Variants in NXNL2 observed in about 807,000 individuals in gnomAD.
The protein encoded by NXNL2 is nucleoredoxin like 2.
A neutral mutation model predicts 11.1 loss-of-function variants in NXNL2; 7 were observed. That is an observed-to-expected ratio of 0.63 (90% CI 0.36 to 1.18). The LOEUF (loss-of-function observed/expected upper bound fraction) is 1.18, where lower values mean the gene tolerates loss of function less well. Among genes scored for constraint, NXNL2 ranks in the 50% most tolerant of loss-of-function variants. NXNL2 has a pLI of 0.02. For missense variants in NXNL2, 233 were observed against 217.7 expected (o/e 1.07, Z -0.44); for synonymous variants, 109 against 101.8 (o/e 1.07, Z -0.42).
Position 88,540,186 on chromosome 9 carries a change from G to A in NXNL2, c.303-4193G>A, listed in dbSNP as rs190121256. On this transcript the variant is annotated intron_variant, in intron 1 of 1. Transcript: ENST00000375854. Reference sequence around the variant, plus strand: ...TCTCTACTAAAAATACAAAAAATTAGCCAGGCATGGTGGCGGGCGCCTGTG... The same window carrying A: ...TCTCTACTAAAAATACAAAAAATTAACCAGGCATGGTGGCGGGCGCCTGTG... Among the ~76,000 whole-genome samples, 1,246 of 152,106 alleles carry A rather than the reference G, an allele frequency of 8.2e-3. 23 individuals are homozygous for A. Among genetic ancestry groups the A allele is most frequent in the African/African-American group, 0.028 (1,155 of 41,530 alleles).
downstream of NXNL2, among the ~76,000 whole-genome samples, chr9:88,549,559 G>T (rs1355563080): frequency 2.6e-5 from 4 of 152,158 alleles, no homozygotes; most frequent in Admixed American, 2.6e-4. Flanking sequence ...CCACCTCATA[G>T]CTTTTTTTTG....
chr9:88,583,786 T>G (rs1830433655), intron 1 of NXNL2, among the ~76,000 whole-genome samples: 1 of 152,234 alleles, frequency 6.6e-6, no homozygotes, highest in Admixed American at 6.5e-5. Flanking sequence ...CTGATATGAC[T>G]GTGGTCTTAT....
At chr9:88,561,763 A>ACACT (rs1048861633) in intron 1 of NXNL2, among the ~76,000 whole-genome samples, 1 of 152,182 alleles carries the variant, frequency 6.6e-6, no homozygotes, top group African/African-American at 2.4e-5. Flanking sequence ...CCATGACATG[A>ACACT]CACTGGTGCA....
intron 1 of NXNL2, among the ~76,000 whole-genome samples, chr9:88,558,811 G>T (rs906789948): frequency 6.6e-6 from 1 of 152,036 alleles, no homozygotes; most frequent in Admixed American, 6.5e-5. Flanking sequence ...GAGTGGTAGT[G>T]AGAATAGGAG....
At chr9:88,558,572 A>C (rs1207924595) in intron 1 of NXNL2, among the ~76,000 whole-genome samples, 1 of 152,162 alleles carries the variant, frequency 6.6e-6, no homozygotes, top group Non-Finnish European at 1.5e-5. Flanking sequence ...TCAAAAGCAC[A>C]GGTTAAACAA....
At chr9:88,562,336 G>C (rs1223211795) in intron 1 of NXNL2, among the ~76,000 whole-genome samples, 1 of 152,150 alleles carries the variant, frequency 6.6e-6, no homozygotes, top group Non-Finnish European at 1.5e-5. Flanking sequence ...TGGGAGTGCT[G>C]GAGGTGCTCT....
downstream of NXNL2, among the ~76,000 whole-genome samples, chr9:88,548,537 A>G (rs1431995381): frequency 6.7e-6 from 1 of 150,346 alleles, no homozygotes; most frequent in Non-Finnish European, 1.5e-5. Context: ...TACAAAAAAA[A>G]AATAGCCAGG....
intron 1 of NXNL2, among the ~76,000 whole-genome samples, chr9:88,558,100 A>G (rs1293843443): frequency 6.6e-6 from 1 of 152,114 alleles, no homozygotes; most frequent in Non-Finnish European, 1.5e-5. Flanking sequence ...GGGGCCCCTG[A>G]ATAGCCTCAG....
At chr9:88,577,682 CTCT>C (rs1564078740), downstream of NXNL2, among the ~76,000 whole-genome samples, 2 of 152,102 alleles carry the variant, frequency 1.3e-5, no homozygotes, top group Non-Finnish European at 1.5e-5. Flanking sequence ...GCATCTGTTC[CTCT>C]TCTTCTAAGG....
At chr9:88,558,335 G>A (rs981632695) in intron 1 of NXNL2, among the ~76,000 whole-genome samples, 1 of 152,114 alleles carries the variant, frequency 6.6e-6, no homozygotes, top group Non-Finnish European at 1.5e-5. Flanking sequence ...CTGGAGGGTG[G>A]TGTTCCCGGA....
rs899486306 is a variant in NXNL2 at position 88,575,236 on chromosome 9, C to T, written c.*166C>T. 8.5e-6 allele frequency: 7 copies of T among 828,148 alleles called. No individual in the cohort carries two copies. The Admixed American group carries it at 3.7e-4, about 44-fold the overall frequency. 51.3% of individuals were successfully genotyped at this position (828,148 alleles called of 1,614,324 possible). On this transcript the variant is annotated 3_prime_UTR_variant, in exon 3 of 3. Coordinates refer to the NXNL2 transcript ENST00000375855. ...GCTGTGACCATGTGACTCAGCAATC[C>T]TGCTGCTGGGTATATACCCGAAAGA...
intron 1 of NXNL2, among the ~76,000 whole-genome samples, chr9:88,540,926 T>A (rs1829743702): frequency 6.9e-6 from 1 of 145,320 alleles, no homozygotes; most frequent in African/African-American, 2.6e-5. Flanking sequence ...CCTTGCTCAA[T>A]CTCAGTAGAT....
intron 1 of NXNL2, chr9:88,538,334 T>C (rs1018755101): frequency 2.0e-5 from 3 of 152,230 alleles, no homozygotes; most frequent in African/African-American, 7.2e-5. Flanking sequence ...CTTGATTTAA[T>C]GTTGCAAGTG....
At chr9:88,546,380 C>G (rs563927997), downstream of NXNL2, among the ~76,000 whole-genome samples, 1 of 150,598 alleles carries the variant, frequency 6.6e-6, no homozygotes, top group African/African-American at 2.5e-5. Flanking sequence ...AGTGATGTGT[C>G]CTTTGAACCA....
downstream of NXNL2, among the ~76,000 whole-genome samples, chr9:88,546,014 G>A (rs796442149): frequency 4.6e-5 from 7 of 152,186 alleles, no homozygotes; most frequent in African/African-American, 9.6e-5. Flanking sequence ...TGATCCACCC[G>A]CCTCGGCCTC....
chr9:88,560,645 G>A (rs1587850670), intron 1 of NXNL2, among the ~76,000 whole-genome samples: 1 of 152,190 alleles, frequency 6.6e-6, no homozygotes, highest in African/African-American at 2.4e-5. Flanking sequence ...GCTGTGCATT[G>A]TAAATCCCTG....
intron 1 of NXNL2, among the ~76,000 whole-genome samples, chr9:88,543,780 C>T (rs1829806171): frequency 6.6e-6 from 1 of 152,198 alleles, no homozygotes; most frequent in Admixed American, 6.5e-5. Flanking sequence ...CTGAGCTCTC[C>T]CAGCCATACG....
intron 1 of NXNL2, among the ~76,000 whole-genome samples, chr9:88,561,988 CAGGAATGTGCATAGCAGCACT>C (rs1210734034): frequency 6.6e-6 from 1 of 152,132 alleles, no homozygotes; most frequent in African/African-American, 2.4e-5. Context: ...AAGACACGAC[CAGGAATGTGCATAGCAGCACT>C]AGTTGTAACA....
intron 1 of NXNL2, among the ~76,000 whole-genome samples, chr9:88,563,670 C>G (rs541090017): frequency 6.6e-6 from 1 of 152,260 alleles, no homozygotes; most frequent in Non-Finnish European, 1.5e-5. Flanking sequence ...CCAGTCCTCT[C>G]CCAACCACCC....
Sources: allele counts gnomAD v4.1 joint callset (sites outside exome capture counted in the v4.1 genomes callset), GRCh38; gene constraint gnomAD v4.1.1; transcripts MANE v1.5; gene names NCBI Gene and HGNC (gene_info 2026-07-23, HGNC 2026-07-21).